ZFPM2: variants seen among roughly 807,000 people sequenced by gnomAD.
ZFPM2 encodes the protein zinc finger protein ZFPM2.
ZFPM2 carries 20 observed loss-of-function variants against 98.6 expected under a neutral mutation model. That is an observed-to-expected ratio of 0.20 (90% confidence interval 0.14 to 0.29). ZFPM2 has a LOEUF of 0.29. Ranked by LOEUF, ZFPM2 falls within the 10% of genes least tolerant of loss-of-function variation. The probability of loss-of-function intolerance (pLI) is 1.00; values close to 1 mark genes in which losing one functional copy is unlikely to be tolerated. For synonymous variants in ZFPM2, 518 were observed against 502.7 expected, an observed-to-expected ratio of 1.03 and a Z score of -0.41; for missense variants, 1,310 against 1,388.6, an observed-to-expected ratio of 0.94 and a Z score of 0.90.
At chr8:105,443,667 G>T (rs1203488326) in intron 2 of ZFPM2, among the ~76,000 whole-genome samples, 1 of 152,062 alleles carries the variant, frequency 6.6e-6, no homozygotes, top group Non-Finnish European at 1.5e-5. Flanking sequence ...GCATAAAATT[G>T]TAGAAACTAG....
chr8:105,726,665 C>T (rs1012777818), intron 5 of ZFPM2, among the ~76,000 whole-genome samples: 2 of 151,830 alleles, frequency 1.3e-5, no homozygotes. Flanking sequence ...ACTCAATCTC[C>T]ATGGAGTGAA....
At chr8:105,686,525 A>T (rs1030439760) in intron 5 of ZFPM2, among the ~76,000 whole-genome samples, 16 of 152,068 alleles carry the variant, frequency 1.1e-4, no homozygotes, top group African/African-American at 3.6e-4. Flanking sequence ...CCGAGTTGAC[A>T]ACACATGTTT....
chr8:105,765,473 G>A (rs1367912494), intron 5 of ZFPM2, among the ~76,000 whole-genome samples: 3 of 151,608 alleles, frequency 2.0e-5, no homozygotes, highest in African/African-American at 7.3e-5. Context: ...AGTTCCAGTC[G>A]CTTTATTTAA....
chr8:105,405,393 T>A (rs1242497760), intron 1 of ZFPM2, among the ~76,000 whole-genome samples: 1 of 151,862 alleles, frequency 6.6e-6, no homozygotes, highest in African/African-American at 2.4e-5. Flanking sequence ...ACTCGTCATT[T>A]AGCATTAGAT....
At chr8:105,774,091 G>T (rs1313705748) in intron 5 of ZFPM2, among the ~76,000 whole-genome samples, 6 of 152,026 alleles carry the variant, frequency 3.9e-5, no homozygotes, top group Non-Finnish European at 8.8e-5. Flanking sequence ...ACATAGTCAC[G>T]TGTGATTTTG....
At chr8:105,442,177 C>CAAAAA (rs34122458) in intron 2 of ZFPM2, among the ~76,000 whole-genome samples, 90 of 131,376 alleles carry the variant, frequency 6.9e-4, no homozygotes, top group African/African-American at 2.4e-3. Flanking sequence ...ACTAAAAATA[C>CAAAAA]AAAAAAAAAA....
chr8:105,711,853 G>A (rs1811409038), intron 5 of ZFPM2, among the ~76,000 whole-genome samples: 1 of 152,022 alleles, frequency 6.6e-6, no homozygotes, highest in Non-Finnish European at 1.5e-5. Flanking sequence ...GCTACTCAAA[G>A]TCTCTGCCAA....
intron 3 of ZFPM2, among the ~76,000 whole-genome samples, chr8:105,552,661 G>A (rs371146335): frequency 0.044 from 6,636 of 151,300 alleles, 484 homozygotes; most frequent in African/African-American, 0.15. Context: ...CTGTTTCTTT[G>A]TTCATATAAA....
chr8:105,498,371 A>G (rs1014012974), intron 3 of ZFPM2, among the ~76,000 whole-genome samples: 3 of 152,188 alleles, frequency 2.0e-5, no homozygotes, highest in Admixed American at 6.5e-5. Context: ...TTTTTTAATT[A>G]ATTTATTTAG....
At chr8:105,631,988 G>C (rs570586913) in intron 4 of ZFPM2, among the ~76,000 whole-genome samples, 1 of 152,144 alleles carries the variant, frequency 6.6e-6, no homozygotes, top group South Asian at 2.1e-4. Context: ...GGGAAAAATA[G>C]GCCAGGTGCC....
chr8:105,417,572 A>C (rs1221004820), intron 1 of ZFPM2, among the ~76,000 whole-genome samples: 1 of 152,184 alleles, frequency 6.6e-6, no homozygotes, highest in Non-Finnish European at 1.5e-5. Flanking sequence ...TCTTGAAATT[A>C]TCAAATAAAT....
chr8:105,689,302 A>T (rs1465660531), intron 5 of ZFPM2, among the ~76,000 whole-genome samples: 2 of 152,230 alleles, frequency 1.3e-5, no homozygotes, highest in Non-Finnish European at 2.9e-5. Context: ...GTTGAAAAGG[A>T]ACTGAGACTT....
intron 3 of ZFPM2, among the ~76,000 whole-genome samples, chr8:105,477,309 A>T (rs2130371683): frequency 7.5e-6 from 1 of 132,526 alleles, no homozygotes; most frequent in Non-Finnish European, 1.5e-5. Context: ...CAGTGGTGCG[A>T]TCTCAGCTCA....
intron 1 of ZFPM2, among the ~76,000 whole-genome samples, chr8:105,416,277 A>G (rs1189757929): frequency 3.3e-5 from 5 of 151,500 alleles, no homozygotes; most frequent in Admixed American, 6.6e-5. Flanking sequence ...TTTTAATACA[A>G]TGATTAAATT....
At chr8:105,529,536 A>C (rs144379314) in intron 3 of ZFPM2, among the ~76,000 whole-genome samples, 1 of 150,670 alleles carries the variant, frequency 6.6e-6, no homozygotes, top group East Asian at 2.0e-4. Context: ...ACATAAATTC[A>C]TGGTTGGCTT....
chr8:105,800,863 A>C (rs1363302815), intron 7 of ZFPM2, among the ~76,000 whole-genome samples, 184 bp from the exon 8 acceptor site: 1 of 152,170 alleles, frequency 6.6e-6, no homozygotes, highest in East Asian at 1.9e-4. Flanking sequence ...GAAAACTATA[A>C]AGTGCTATTA....
chr8:105,707,897 T>C (rs1811299662), intron 5 of ZFPM2, among the ~76,000 whole-genome samples: 1 of 152,186 alleles, frequency 6.6e-6, no homozygotes, highest in Non-Finnish European at 1.5e-5. Flanking sequence ...TCTCCTTTCA[T>C]CTTGGAATGC....
intron 5 of ZFPM2, among the ~76,000 whole-genome samples, chr8:105,675,535 T>C (rs1810428329): frequency 6.6e-6 from 1 of 152,166 alleles, no homozygotes; most frequent in Non-Finnish European, 1.5e-5. Flanking sequence ...AATGGAGGCA[T>C]AGAACTCAGC....
chr8:105,555,620 T>C (rs1814969719), intron 3 of ZFPM2, among the ~76,000 whole-genome samples: 1 of 152,196 alleles, frequency 6.6e-6, no homozygotes, highest in Admixed American at 6.5e-5. Flanking sequence ...ATTTGTAGAT[T>C]AAAATGTTTA....
Sources: gnomAD v4.1 joint callset for allele counts (sites outside exome capture counted in the v4.1 genomes callset) on GRCh38, gnomAD v4.1.1 for gene constraint, MANE v1.5 for transcripts, NCBI Gene and HGNC (gene_info 2026-07-23, HGNC 2026-07-21) for gene names.